GNAQ: variants seen among roughly 807,000 people sequenced by gnomAD.
The protein encoded by GNAQ is G protein subunit alpha q, also known as guanine nucleotide-binding protein G(q) subunit alpha.
GNAQ carries 8 observed loss-of-function variants against 43.9 expected under a neutral mutation model. The ratio of observed to expected loss-of-function variants is 0.18; its 90% CI spans 0.11 to 0.33. GNAQ has a LOEUF of 0.33. GNAQ is among the 10% of genes least tolerant of loss of function. The pLI, the probability that GNAQ is intolerant of heterozygous loss-of-function variation, is 1.00. For missense variants in GNAQ, 158 were observed against 450.8 expected, an observed-to-expected ratio of 0.35 and a Z score of 5.88; for synonymous variants, 155 against 170.7, an observed-to-expected ratio of 0.91 and a Z score of 0.71.
intron 6 of GNAQ, among the ~76,000 whole-genome samples, chr9:77,726,220 A>C (rs754529540): frequency 6.6e-6 from 1 of 152,218 alleles, no homozygotes; most frequent in Non-Finnish European, 1.5e-5. Context: ...AGTGCAAATT[A>C]AAAGGAGTGA....
chr9:77,808,879 C>A (rs868319438), intron 3 of GNAQ, among the ~76,000 whole-genome samples: 1,782 of 150,610 alleles, frequency 0.012, 30 homozygotes, highest in African/African-American at 0.035. Context: ...AAAAACAAAA[C>A]AAAACAAAAC....
chr9:77,857,293 T>C (rs971373132), intron 2 of GNAQ, among the ~76,000 whole-genome samples: 1 of 152,238 alleles, frequency 6.6e-6, no homozygotes, highest in African/African-American at 2.4e-5. Flanking sequence ...AACAGGCATC[T>C]AGAACTCGAC....
At chr9:77,976,364 TG>T (rs1823301831) in intron 1 of GNAQ, among the ~76,000 whole-genome samples, 1 of 152,104 alleles carries the variant, frequency 6.6e-6, no homozygotes, top group Non-Finnish European at 1.5e-5. Context: ...GCTTGGTTTT[TG>T]TTTTTTGGTT....
At chr9:77,750,742 C>G (rs1825799646) in intron 5 of GNAQ, among the ~76,000 whole-genome samples, 2 of 152,214 alleles carry the variant, frequency 1.3e-5, no homozygotes, top group South Asian at 4.2e-4. Context: ...CTGGGCTTTT[C>G]TTTGTAATTG....
At chr9:77,851,926 T>C (rs1194232758) in intron 2 of GNAQ, among the ~76,000 whole-genome samples, 4 of 152,216 alleles carry the variant, frequency 2.6e-5, no homozygotes, top group Non-Finnish European at 4.4e-5. Flanking sequence ...TTTTCTTTTC[T>C]AGCTTTAGGT....
At chr9:77,820,818 C>T (rs1172622763) in intron 2 of GNAQ, among the ~76,000 whole-genome samples, 2 of 152,294 alleles carry the variant, frequency 1.3e-5, no homozygotes, top group South Asian at 2.1e-4. Context: ...AGACAAGTCA[C>T]TCAACCTTCC....
intron 1 of GNAQ, among the ~76,000 whole-genome samples, chr9:77,989,027 G>A (rs1223414635): frequency 2.0e-5 from 3 of 152,004 alleles, no homozygotes; most frequent in Non-Finnish European, 2.9e-5. Context: ...AAGAATTCCT[G>A]GATAACTATT....
intron 2 of GNAQ, among the ~76,000 whole-genome samples, chr9:77,856,816 T>G (rs925387316): frequency 6.6e-6 from 1 of 152,234 alleles, no homozygotes; most frequent in African/African-American, 2.4e-5. Context: ...TACTTTTCAT[T>G]GTTTAACCTT....
chr9:77,936,041 C>A (rs1829226233), intron 1 of GNAQ, among the ~76,000 whole-genome samples: 1 of 152,202 alleles, frequency 6.6e-6, no homozygotes, highest in Non-Finnish European at 1.5e-5. Flanking sequence ...GACACTCTTA[C>A]AACCAGAATT....
chr9:77,755,195 A>C lies in GNAQ; in HGVS notation c.736-26528T>G, dbSNP rs150075634. 1.4e-3 allele frequency among the ~76,000 whole-genome samples: 211 copies of C among 152,358 alleles called. 2 individuals are homozygous for C. In the East Asian group the frequency reaches 0.035, roughly 25 times the overall value. On this transcript the variant is annotated intron_variant, in intron 5 of 6. Coordinates refer to ENST00000286548, the MANE Select transcript of GNAQ (RefSeq NM_002072.5). ...GCTAAAAATTGAAACAAATTCATGCAGATAGAGAGCAGAATGATGGCTATT... is the reference window on the plus strand; with the variant it reads ...GCTAAAAATTGAAACAAATTCATGCCGATAGAGAGCAGAATGATGGCTATT...
intron 1 of GNAQ, among the ~76,000 whole-genome samples, chr9:77,993,796 T>C (rs1204778682): frequency 6.6e-6 from 1 of 152,010 alleles, no homozygotes; most frequent in Non-Finnish European, 1.5e-5. Context: ...AAATAAAAAA[T>C]GACATTTCAA....
intron 5 of GNAQ, among the ~76,000 whole-genome samples, chr9:77,790,185 C>T (rs553123534): frequency 3.3e-5 from 5 of 152,320 alleles, no homozygotes; most frequent in South Asian, 2.1e-4. Context: ...ATTCAATTAA[C>T]GATCAGAGAC....
At chr9:78,029,335 C>T (rs187192426) in intron 1 of GNAQ, among the ~76,000 whole-genome samples, 2 of 151,534 alleles carry the variant, frequency 1.3e-5, no homozygotes, top group South Asian at 2.1e-4. Context: ...CTCTAAAATA[C>T]GTGCGTTTCC....
At chr9:77,938,083 A>G (rs185092157) in intron 1 of GNAQ, among the ~76,000 whole-genome samples, 17 of 152,262 alleles carry the variant, frequency 1.1e-4, no homozygotes, top group Non-Finnish European at 2.1e-4. Flanking sequence ...ATGGTATAGC[A>G]TCTGCATACA....
At chr9:77,905,696 T>C (rs1422688801) in intron 2 of GNAQ, among the ~76,000 whole-genome samples, 2 of 152,194 alleles carry the variant, frequency 1.3e-5, no homozygotes, top group African/African-American at 4.8e-5. Flanking sequence ...ACTGCTTTCA[T>C]ATTCAGGAAA....
intron 1 of GNAQ, among the ~76,000 whole-genome samples, chr9:77,968,443 T>C (rs1233747635): frequency 1.3e-5 from 2 of 152,248 alleles, no homozygotes; most frequent in Non-Finnish European, 2.9e-5. Flanking sequence ...TGATAATAGA[T>C]GTATCAGGAT....
chr9:77,871,409 G>A (rs1434572003), intron 2 of GNAQ, among the ~76,000 whole-genome samples: 1 of 152,128 alleles, frequency 6.6e-6, no homozygotes, highest in Non-Finnish European at 1.5e-5. Context: ...TAAATACAGA[G>A]CTGAGAAAGG....
chr9:77,833,164 C>T (rs1281031943), intron 2 of GNAQ, among the ~76,000 whole-genome samples: 2 of 152,044 alleles, frequency 1.3e-5, no homozygotes, highest in African/African-American at 4.8e-5. Flanking sequence ...GACGGGGATT[C>T]ACCATGTTGG....
intron 1 of GNAQ, among the ~76,000 whole-genome samples, chr9:77,975,899 G>A (rs1823296001): frequency 6.6e-6 from 1 of 152,202 alleles, no homozygotes; most frequent in Non-Finnish European, 1.5e-5. Flanking sequence ...TCACTGCAAT[G>A]AGAGTCATAG....
Sources: gnomAD v4.1 joint callset for allele counts (sites outside exome capture counted in the v4.1 genomes callset) on GRCh38, gnomAD v4.1.1 for gene constraint, MANE v1.5 for transcripts, NCBI Gene and HGNC (gene_info 2026-07-23, HGNC 2026-07-21) for gene names.